The following MYH15 variants were observed in gnomAD, a reference collection of about 807,000 sequenced individuals.
MYH15 encodes myosin heavy chain 15, also known as myosin-15.
Under a neutral mutation model 240.5 loss-of-function variants are expected in MYH15, and 227 were observed. The ratio of observed to expected loss-of-function variants is 0.94; its 90% CI spans 0.85 to 1.05. The LOEUF (loss-of-function observed/expected upper bound fraction) is 1.05, where lower values mean the gene tolerates loss of function less well. MYH15 is among the 50% of genes least tolerant of loss of function. The probability of loss-of-function intolerance (pLI) is 0.00; values close to 1 mark genes in which losing one functional copy is unlikely to be tolerated. For synonymous variants in MYH15, 785 were observed against 796.7 expected, an observed-to-expected ratio of 0.99 and a Z score of 0.25; for missense variants, 2,217 against 2,247.5, an observed-to-expected ratio of 0.99 and a Z score of 0.27.
intron 35 of MYH15, among the ~76,000 whole-genome samples, chr3:108,394,779 G>C (rs184011983): frequency 6.6e-6 from 1 of 152,280 alleles, no homozygotes; most frequent in Non-Finnish European, 1.5e-5. Flanking sequence ...TGTGACACTA[G>C]AGGCCAAATA....
At chr3:108,387,399 C>G (rs914804676) in intron 38 of MYH15, among the ~76,000 whole-genome samples, 1 of 152,156 alleles carries the variant, frequency 6.6e-6, no homozygotes, top group Non-Finnish European at 1.5e-5. Context: ...TCTAAGCATT[C>G]TGCAGACACT....
intron 37 of MYH15, among the ~76,000 whole-genome samples, 197 bp from the exon 38 acceptor site, chr3:108,389,271 T>G (rs1213769413): frequency 2.0e-5 from 3 of 152,224 alleles, no homozygotes. Context: ...ATAAAAGAAC[T>G]ATTTAGACTG....
chr3:108,493,834 A>G (rs1489512976), intron 7 of MYH15, among the ~76,000 whole-genome samples: 1 of 152,236 alleles, frequency 6.6e-6, no homozygotes, highest in Non-Finnish European at 1.5e-5. Flanking sequence ...GTTTTATTTT[A>G]TGTGTGCTTG....
chr3:108,538,862 C>T, the MYH15 span, among the ~76,000 whole-genome samples: 1 of 152,108 alleles, frequency 6.6e-6, no homozygotes, highest in Admixed American at 6.6e-5. Context: ...GTCAAGGAAA[C>T]CACATCCCGT....
In MYH15 at chr3:108,493,975, G is replaced by A. The variant is rs142741330; in HGVS notation, c.712-798C>T. On this transcript the variant is annotated intron_variant, in intron 7 of 40. Coordinates refer to ENST00000693548, the MANE Select transcript of MYH15 (RefSeq NM_014981.3). ...GAAAAGTCATAAGGCAGGATCTAGAGGGGCAGAAATGCTGTCCAGAGGTGC... is the reference window on the plus strand; with the variant it reads ...GAAAAGTCATAAGGCAGGATCTAGAAGGGCAGAAATGCTGTCCAGAGGTGC... Among the ~76,000 whole-genome samples, 908 of 152,320 alleles carry A rather than the reference G, an allele frequency of 6.0e-3. 7 individuals are homozygous for A. Among genetic ancestry groups the A allele is most frequent in the African/African-American group, 0.021 (873 of 41,566 alleles).
At chr3:108,504,310 C>G (rs1398769044) in intron 2 of MYH15, among the ~76,000 whole-genome samples, 1 of 152,152 alleles carries the variant, frequency 6.6e-6, no homozygotes, top group Non-Finnish European at 1.5e-5. Flanking sequence ...CCTTGTCCAC[C>G]TATTTATGTT....
At chr3:108,541,418 G>A in the MYH15 span, among the ~76,000 whole-genome samples, 3 of 150,900 alleles carry the variant, frequency 2.0e-5, no homozygotes, top group Non-Finnish European at 4.4e-5. Context: ...TCAAGGACAA[G>A]TGAAAAATGT....
chr3:108,434,435 G>A (rs943872580), intron 25 of MYH15, among the ~76,000 whole-genome samples: 2 of 151,692 alleles, frequency 1.3e-5, no homozygotes, highest in African/African-American at 2.4e-5. Context: ...GCCCACCTTC[G>A]CCTCCCACAG....
chr3:108,427,661 G>A (rs1005007195), intron 27 of MYH15, among the ~76,000 whole-genome samples: 25 of 151,666 alleles, frequency 1.6e-4, no homozygotes, highest in African/African-American at 5.3e-4. Flanking sequence ...GAGAGAAAGA[G>A]AGAGAGAGAG....
At chr3:108,487,338 A>G (rs1295998535) in intron 9 of MYH15, among the ~76,000 whole-genome samples, 1 of 152,236 alleles carries the variant, frequency 6.6e-6, no homozygotes, top group Non-Finnish European at 1.5e-5. Context: ...ATTGGGCTAC[A>G]TAAATGTTCA....
At chr3:108,455,474 T>C (rs1293122525) in intron 20 of MYH15, among the ~76,000 whole-genome samples, 1 of 152,234 alleles carries the variant, frequency 6.6e-6, no homozygotes, top group Non-Finnish European at 1.5e-5. Context: ...ATCAGGTTGA[T>C]TCAGTATTTT....
chr3:108,496,997 T>TA (rs1443253487), intron 6 of MYH15, among the ~76,000 whole-genome samples: 1 of 150,788 alleles, frequency 6.6e-6, no homozygotes, highest in Non-Finnish European at 1.5e-5. Context: ...CCGTCTCTAC[T>TA]AAAAATACAA....
chr3:108,497,742 C>A (rs991768372), intron 6 of MYH15, among the ~76,000 whole-genome samples: 2 of 151,988 alleles, frequency 1.3e-5, no homozygotes, highest in African/African-American at 4.8e-5. Flanking sequence ...ATGACCCTAG[C>A]CTTTAGGTAA....
Position 108,451,830 on chromosome 3 carries a change from T to A in MYH15, c.2399+2176A>T, listed in dbSNP as rs10933946. Among the ~76,000 whole-genome samples the A allele has an allele frequency of 0.035, 5,394 of 152,236 alleles. 531 individuals are homozygous for A. In the East Asian group the frequency reaches 0.4, roughly 11 times the overall value. On this transcript the variant is annotated intron_variant, in intron 21 of 40. Transcript: ENST00000693548. The stretch of plus-strand genomic sequence containing the variant: ...TTAACCAAAGTAAGTTTAACATTTT[T>A]AAAAATCTGTTAATATATTTCCACA...
At chr3:108,424,663 G>C (rs1399976375) in intron 27 of MYH15, among the ~76,000 whole-genome samples, 3 of 152,198 alleles carry the variant, frequency 2.0e-5, no homozygotes, top group Non-Finnish European at 2.9e-5. Context: ...AGCATAACAT[G>C]CTTTTGAAAA....
At chr3:108,546,192 T>C in the MYH15 span, among the ~76,000 whole-genome samples, 1 of 152,168 alleles carries the variant, frequency 6.6e-6, no homozygotes, top group East Asian at 1.9e-4. Context: ...CACAAATTAG[T>C]ATGGAGTAGT....
At chr3:108,418,422 G>C (rs1321465769) in intron 28 of MYH15, among the ~76,000 whole-genome samples, 2 of 152,150 alleles carry the variant, frequency 1.3e-5, no homozygotes, top group Non-Finnish European at 2.9e-5. Context: ...GTATGTTTTA[G>C]TGCTACTACC....
In MYH15 at chr3:108,410,565, G is replaced by A. The variant is rs1272768457; in HGVS notation, c.4495+18C>T. ...AGCTACCCGCTCTGGCTTTGGCTCT[G>A]AGCCCAGCTCGGTGTACCTTGGAGG... is the stretch of plus-strand genomic sequence containing the variant. On this transcript the variant is annotated intron_variant, in intron 31 of 40. Transcript: ENST00000693548. The A allele has an allele frequency of 1.3e-6, 2 of 1,542,080 alleles. No homozygotes were observed. Among genetic ancestry groups the A allele is most frequent in the Non-Finnish European group, 1.8e-6 (2 of 1,137,502 alleles).
chr3:108,434,708 A>G (rs921956921), intron 25 of MYH15, among the ~76,000 whole-genome samples: 3 of 152,212 alleles, frequency 2.0e-5, no homozygotes, highest in African/African-American at 7.2e-5. Flanking sequence ...TTTTGCTTTT[A>G]CAAATCAAAC....
Sources: gnomAD v4.1 joint callset for allele counts (sites outside exome capture counted in the v4.1 genomes callset) on GRCh38, gnomAD v4.1.1 for gene constraint, MANE v1.5 for transcripts, NCBI Gene and HGNC (gene_info 2026-07-23, HGNC 2026-07-21) for gene names.